PPP1R17: variants seen among roughly 807,000 people sequenced by gnomAD.
PPP1R17 encodes protein phosphatase 1 regulatory subunit 17.
PPP1R17 carries 12 observed loss-of-function variants against 15.9 expected under a neutral mutation model. That is an observed-to-expected ratio of 0.75 (90% CI 0.48 to 1.22). The LOEUF (loss-of-function observed/expected upper bound fraction) is 1.22, where lower values mean the gene tolerates loss of function less well. Ranked by LOEUF, PPP1R17 falls within the 50% of genes most tolerant of loss-of-function variation. PPP1R17 has a pLI of 0.00. For missense variants in PPP1R17, 211 were observed against 187.3 expected (o/e 1.13, Z -0.74); for synonymous variants, 63 against 64.5 (o/e 0.98, Z 0.11).
chr7:31,691,928 T>A (rs1322648229), intron 1 of PPP1R17, among the ~76,000 whole-genome samples: 1 of 152,084 alleles, frequency 6.6e-6, no homozygotes, highest in African/African-American at 2.4e-5. Context: ...GGACTGGACC[T>A]GTATATAGCC....
chr7:31,704,537 T>A (rs1255382644), intron 4 of PPP1R17, among the ~76,000 whole-genome samples: 1 of 152,222 alleles, frequency 6.6e-6, no homozygotes, highest in African/African-American at 2.4e-5. Context: ...TTGTGCCAGA[T>A]GTTAGCATAT....
At chr7:31,698,420 T>C (rs1024351064) in intron 4 of PPP1R17, among the ~76,000 whole-genome samples, 8 of 152,186 alleles carry the variant, frequency 5.3e-5, no homozygotes, top group Non-Finnish European at 8.8e-5. Context: ...TATACCAAGA[T>C]GAATGGTGGG....
chr7:31,707,329 C>A lies in PPP1R17; in HGVS notation c.*46C>A. 2 of 1,504,944 alleles carry A rather than the reference C, an allele frequency of 1.3e-6. No individual in the cohort carries two copies. Among genetic ancestry groups the A allele is most frequent in the East Asian group, 2.3e-5 (1 of 43,654 alleles). 93.2% of individuals were successfully genotyped at this position (1,504,944 alleles called of 1,614,324 possible). On this transcript the variant is annotated 3_prime_UTR_variant, in exon 5 of 5. Transcript: ENST00000342032. The stretch of plus-strand genomic sequence containing the variant: ...CTTGTAAATAGGTTAGATTGGTTCC[C>A]TGTGGTGACCTAGAGAAAAAATAGA...
intron 4 of PPP1R17, among the ~76,000 whole-genome samples, chr7:31,698,166 T>C (rs554645306): frequency 1.8e-4 from 28 of 152,318 alleles, no homozygotes; most frequent in Non-Finnish European, 3.5e-4. Flanking sequence ...AATTTGGCTG[T>C]TGTTATAAAA....
chr7:31,692,988 AACTG>A (rs1303317517), intron 2 of PPP1R17, among the ~76,000 whole-genome samples: 2 of 152,162 alleles, frequency 1.3e-5, no homozygotes, highest in African/African-American at 4.8e-5. Context: ...TCCTTTCCAG[AACTG>A]ACTTTTTGCA....
chr7:31,706,884 T>C (rs1045308359), intron 4 of PPP1R17, among the ~76,000 whole-genome samples: 1 of 152,154 alleles, frequency 6.6e-6, no homozygotes, highest in African/African-American at 2.4e-5. Flanking sequence ...GGCAGAACTG[T>C]GAGTGCAAAG....
chr7:31,700,017 C>T (rs6945608), intron 4 of PPP1R17, among the ~76,000 whole-genome samples: 5,068 of 152,084 alleles, frequency 0.033, 277 homozygotes, highest in African/African-American at 0.11. Flanking sequence ...TGAAATAAGG[C>T]CAATCAATAA....
At chr7:31,702,118 A>G (rs1414541255) in intron 4 of PPP1R17, among the ~76,000 whole-genome samples, 2 of 151,966 alleles carry the variant, frequency 1.3e-5, no homozygotes, top group African/African-American at 4.8e-5. Context: ...TAGTCTTATT[A>G]GTTTAGTCAT....
chr7:31,697,128 T>C lies in PPP1R17; in HGVS notation c.388+11T>C. ...CCCCCTTTGCAGCAGGTAAAAAAGCTGGTGCAGGGCATTTGCAGGGGGTGA... is the reference window on the plus strand; with the variant it reads ...CCCCCTTTGCAGCAGGTAAAAAAGCCGGTGCAGGGCATTTGCAGGGGGTGA... On this transcript the variant is annotated intron_variant, in intron 4 of 4. Transcript: ENST00000342032. 2 of 1,613,524 alleles carry C rather than the reference T, an allele frequency of 1.2e-6. No homozygotes were observed.
chr7:31,707,264 G>A lies in PPP1R17; in HGVS notation c.449G>A (p.Gly150Asp). The stretch of plus-strand genomic sequence containing the variant: ...ATCGTGGAAGATGACGAAAAGGATG[G>A]TGACAAGATAGCTATTTAAAGATAG... Reference protein sequence around the residue: ...KAIVEDDEKDGDKIAI With the variant: ...KAIVEDDEKDDDKIAI The change falls in exon 5 of 5, where the codon GGT becomes GAT. Residue 150 changes from glycine (G) to aspartate (D), a missense_variant. Coordinates refer to ENST00000342032, the MANE Select transcript of PPP1R17 (RefSeq NM_006658.5). The A allele has an allele frequency of 6.2e-7, 1 of 1,613,930 alleles. No homozygotes were observed. Among genetic ancestry groups the A allele is most frequent in the Non-Finnish European group, 8.5e-7 (1 of 1,179,866 alleles).
intron 4 of PPP1R17, among the ~76,000 whole-genome samples, chr7:31,703,952 C>T (rs547212973): frequency 5.1e-4 from 78 of 152,304 alleles, no homozygotes; most frequent in African/African-American, 1.2e-3. Flanking sequence ...GGGCCCTCAT[C>T]GCAGTGACTG....
Position 31,695,589 on chromosome 7 carries a change from C to T in PPP1R17, c.203C>T (p.Thr68Ile), listed in dbSNP as rs201312873. 13 of 1,613,690 alleles carry T rather than the reference C, an allele frequency of 8.1e-6. No homozygotes were observed. The highest frequency in any genetic ancestry group is 1.1e-5 in the Non-Finnish European group (13 of 1,179,814). ...SDQKKPRRKDTPALHIPPFIP... is the reference protein window; with the variant it reads ...SDQKKPRRKDIPALHIPPFIP... The stretch of plus-strand genomic sequence containing the variant: ...CAAAAAAAACCAAGGAGGAAAGATA[C>T]ACCGGCGCTGCACATCCCACCTTTC... Residue 68 changes from threonine to isoleucine, a missense_variant, in exon 3 of 5, where the codon ACA becomes ATA. Physicochemically the swap from Thr to Ile is moderately conservative, Grantham distance 89. Transcript: ENST00000342032.
Position 31,695,552 on chromosome 7 carries a change from G to T in PPP1R17, c.166G>T (p.Val56Phe). 6.2e-7 allele frequency: 1 copy of T among 1,613,964 alleles called. No individual in the cohort carries two copies. Among genetic ancestry groups the T allele is most frequent in the Middle Eastern group, 1.6e-4 (1 of 6,062 alleles). The change falls in exon 3 of 5, where the codon GTT becomes TTT. Residue 56 changes from valine (V) to phenylalanine (F), a missense_variant. By Grantham distance (50) the Val-to-Phe change is conservative. Coordinates refer to ENST00000342032, the MANE Select transcript of PPP1R17 (RefSeq NM_006658.5). ...KGKNVQATLN[V>F]ESDQKKPRRK... ...AAAAAATGTACAGGCCACCCTGAAT[G>T]TTGAGTCAGACCAAAAAAAACCAAG...
intron 1 of PPP1R17, among the ~76,000 whole-genome samples, chr7:31,688,196 A>G (rs959574714): frequency 2.0e-5 from 3 of 152,104 alleles, no homozygotes; most frequent in Non-Finnish European, 2.9e-5. Flanking sequence ...ACTCTCAACA[A>G]CCCTGGAGAA....
chr7:31,697,244 G>C lies in PPP1R17; in HGVS notation c.388+127G>C, dbSNP rs73309386. On this transcript the variant is annotated intron_variant, in intron 4 of 4. Transcript: ENST00000342032. The stretch of plus-strand genomic sequence containing the variant: ...AAGCTGCGTTGTCCTGAAGTGCTCT[G>C]GGGAGAAGCCACACTCAGTGCTACC... The C allele has an allele frequency of 1.2e-4, 147 of 1,189,678 alleles. No individual in the cohort carries two copies. The African/African-American group carries it at 2.2e-3, about 18-fold the overall frequency. 73.7% of individuals were successfully genotyped at this position (1,189,678 alleles called of 1,614,324 possible). A position where few individuals can be genotyped will look rare whatever the true frequency, so the allele number is the denominator to read the frequency against.
intron 4 of PPP1R17, among the ~76,000 whole-genome samples, chr7:31,705,525 G>A (rs991664139): frequency 1.1e-4 from 16 of 152,168 alleles, no homozygotes; most frequent in African/African-American, 3.9e-4. Flanking sequence ...CCAGACTCTT[G>A]AAATTGTTTT....
At chr7:31,696,819 TC>T (rs1792603748) in intron 3 of PPP1R17, 145 bp from the exon 4 acceptor site, 8 of 875,112 alleles carry the variant, frequency 9.1e-6, no homozygotes, top group South Asian at 2.3e-5. Context: ...TACTAATGCT[TC>T]TTATGAAAAG....
At position 31,690,682 on chromosome 7, in the gene PPP1R17, T is replaced by A. The variant is rs139625136; in HGVS notation, c.-36-1724T>A. Among the ~76,000 whole-genome samples, 312 of 152,276 alleles carry A rather than the reference T, an allele frequency of 2.0e-3. 2 individuals carry two copies. Among genetic ancestry groups the A allele is most frequent in the African/African-American group, 7.1e-3 (293 of 41,554 alleles). Reference sequence around the variant, plus strand: ...GCTATTAGGCACATAAGAACAGCCATAGGATCCAAGTTAAAAACCGCCTTA... The same window carrying A: ...GCTATTAGGCACATAAGAACAGCCAAAGGATCCAAGTTAAAAACCGCCTTA... On this transcript the variant is annotated intron_variant, in intron 1 of 4. Transcript: ENST00000342032.
intron 3 of PPP1R17, 65 bp downstream of exon 3, chr7:31,695,686 G>T (rs2240966): frequency 1.3e-6 from 2 of 1,482,094 alleles, no homozygotes; most frequent in Admixed American, 2.2e-5. Context: ...TGCATTGTTC[G>T]TACACATTTT....
Sources: allele counts gnomAD v4.1 joint callset (sites outside exome capture counted in the v4.1 genomes callset), GRCh38; gene constraint gnomAD v4.1.1; transcripts MANE v1.5; gene names NCBI Gene and HGNC (gene_info 2026-07-23, HGNC 2026-07-21).